RAB7B: variants seen among roughly 807,000 people sequenced by gnomAD.
RAB7B encodes RAB7B, member RAS oncogene family, also known as ras-related protein Rab-7b.
intron 4 of RAB7B, 81 bp from the exon 5 acceptor site, chr1:205,985,746 C>CCCCACCAGG (rs1558143196): frequency 0.17 from 46,113 of 270,672 alleles, 15,404 homozygotes; most frequent in African/African-American, 0.18. Flanking sequence ...TCCCCACCAT[C>CCCCACCAGG]CCCATCAGGC....
At chr1:205,987,518 A>C (rs1376361492) in intron 4 of RAB7B, among the ~76,000 whole-genome samples, 2 of 152,354 alleles carry the variant, frequency 1.3e-5, no homozygotes, top group East Asian at 3.9e-4. Flanking sequence ...TTTTAAAATA[A>C]TCAATTATAC....
At chr1:205,988,296 T>C (rs1294366882) in intron 4 of RAB7B, among the ~76,000 whole-genome samples, 3 of 150,926 alleles carry the variant, frequency 2.0e-5, no homozygotes, top group Non-Finnish European at 4.4e-5. Context: ...TGGTGTGATC[T>C]TGGCTCACTG....
intron 5 of RAB7B, among the ~76,000 whole-genome samples, chr1:205,980,404 T>C (rs887874807): frequency 5.3e-5 from 8 of 152,254 alleles, no homozygotes; most frequent in African/African-American, 1.9e-4. Context: ...CAGCATCTTG[T>C]TCCTCAGATT....
intron 1 of RAB7B, among the ~76,000 whole-genome samples, chr1:205,996,246 A>G (rs1313505821): frequency 6.6e-6 from 1 of 151,998 alleles, no homozygotes; most frequent in Non-Finnish European, 1.5e-5. Flanking sequence ...TTTCACCCAT[A>G]TATGCACATA....
intron 5 of RAB7B, among the ~76,000 whole-genome samples, chr1:205,983,399 C>T (rs974866681): frequency 5.9e-5 from 9 of 152,166 alleles, no homozygotes; most frequent in Admixed American, 1.3e-4. Flanking sequence ...ATCCTCACTA[C>T]CAGCTGTCTG....
At chr1:205,991,741 G>C (rs1398700562) in intron 4 of RAB7B, among the ~76,000 whole-genome samples, 1 of 152,166 alleles carries the variant, frequency 6.6e-6, no homozygotes, top group East Asian at 1.9e-4. Flanking sequence ...GAGAAACTTG[G>C]TTTAAACAGC....
chr1:205,997,688 GC>G (rs1660826853), intron 1 of RAB7B, among the ~76,000 whole-genome samples: 1 of 152,180 alleles, frequency 6.6e-6, no homozygotes, highest in African/African-American at 2.4e-5. Context: ...AGGGAAATCA[GC>G]CAAGAGAGAA....
At chr1:205,996,030 C>T (rs1049651645) in intron 1 of RAB7B, among the ~76,000 whole-genome samples, 63 of 151,232 alleles carry the variant, frequency 4.2e-4, no homozygotes, top group Non-Finnish European at 8.0e-4. Flanking sequence ...GTAAGTTATT[C>T]TGGTTGGTAG....
At chr1:205,981,619 GTTAAC>G in intron 5 of RAB7B, among the ~76,000 whole-genome samples, 1 of 147,656 alleles carries the variant, frequency 6.8e-6, no homozygotes. Context: ...CTTTCACAAT[GTTAAC>G]TGAACACCTA....
chr1:205,985,462 T>G, intron 5 of RAB7B, 78 bp downstream of exon 5: 1 of 397,992 alleles, frequency 2.5e-6, no homozygotes, highest in Non-Finnish European at 4.4e-6. Flanking sequence ...ACACCCAAGA[T>G]GTTCTTCTCT....
chr1:205,994,175 A>G (rs1660771990), intron 1 of RAB7B, 24 bp from the exon 2 acceptor site: 2 of 398,480 alleles, frequency 5.0e-6, no homozygotes, highest in Non-Finnish European at 4.4e-6. Context: ...GAGGTCATCC[A>G]CATGCTAGCC....
At chr1:205,988,116 C>T (rs1439402349) in intron 4 of RAB7B, among the ~76,000 whole-genome samples, 1 of 151,644 alleles carries the variant, frequency 6.6e-6, no homozygotes, top group Non-Finnish European at 1.5e-5. Context: ...ACATTCCTTG[C>T]TATTCATCTT....
intron 5 of RAB7B, among the ~76,000 whole-genome samples, chr1:205,979,552 T>C (rs901371964): frequency 2.0e-5 from 3 of 151,796 alleles, no homozygotes; most frequent in East Asian, 3.9e-4. Flanking sequence ...CTGCCCCCCC[T>C]CCCCAGTTCA....
intron 1 of RAB7B, among the ~76,000 whole-genome samples, chr1:205,997,488 T>C (rs1660824694): frequency 6.6e-6 from 1 of 151,678 alleles, no homozygotes; most frequent in Non-Finnish European, 1.5e-5. Context: ...AGGTGAAAGG[T>C]GTAAAGGGAG....
At chr1:205,990,557 G>A (rs1042581020) in intron 4 of RAB7B, among the ~76,000 whole-genome samples, 2 of 152,134 alleles carry the variant, frequency 1.3e-5, no homozygotes, top group African/African-American at 2.4e-5. Flanking sequence ...AGAGCAACAG[G>A]CTGGGGCTGG....
intron 5 of RAB7B, among the ~76,000 whole-genome samples, chr1:205,982,739 G>A (rs1660518623): frequency 6.6e-6 from 1 of 152,014 alleles, no homozygotes; most frequent in Non-Finnish European, 1.5e-5. Context: ...CCTTATTATA[G>A]AAGCGCCTCC....
chr1:205,984,406 C>T lies in RAB7B; in HGVS notation c.522+1134G>A, dbSNP rs1004184151. On this transcript the variant is annotated intron_variant, in intron 5 of 5. Coordinates refer to ENST00000617070, the MANE Select transcript of RAB7B (RefSeq NM_001164522.3). Reference sequence around the variant, plus strand: ...AGCTGCAGAGGGCATCCCATGAGGGCGGCGGATGCTTCCACATAAGGGAAG... The same window carrying T: ...AGCTGCAGAGGGCATCCCATGAGGGTGGCGGATGCTTCCACATAAGGGAAG... 4.3e-3 allele frequency among the ~76,000 whole-genome samples: 660 copies of T among 152,308 alleles called. 2 individuals are homozygous for T. The highest frequency in any genetic ancestry group is 0.015 in the African/African-American group (618 of 41,576).
At chr1:205,988,511 A>T (rs1660657870) in intron 4 of RAB7B, among the ~76,000 whole-genome samples, 1 of 152,218 alleles carries the variant, frequency 6.6e-6, no homozygotes, top group Non-Finnish European at 1.5e-5. Flanking sequence ...TTGGGATTAC[A>T]GGCGTGAGCC....
chr1:206,002,422 T>A (rs1394264224), intron 1 of RAB7B, among the ~76,000 whole-genome samples: 3 of 152,206 alleles, frequency 2.0e-5, no homozygotes, highest in Non-Finnish European at 4.4e-5. Context: ...TGACCAATGC[T>A]GGGATTCTAG....
Sources: gnomAD v4.1 joint callset for allele counts (sites outside exome capture counted in the v4.1 genomes callset) on GRCh38, gnomAD v4.1.1 for gene constraint, MANE v1.5 for transcripts, NCBI Gene and HGNC (gene_info 2026-07-23, HGNC 2026-07-21) for gene names.